Variants in TRHDE observed in about 807,000 individuals in gnomAD.
TRHDE encodes thyrotropin releasing hormone degrading enzyme.
Under a neutral mutation model 125.7 loss-of-function variants are expected in TRHDE, and 72 were observed. That is an observed-to-expected ratio of 0.57 (90% CI 0.47 to 0.70). TRHDE has a LOEUF of 0.70. Ranked by LOEUF, TRHDE falls within the 30% of genes least tolerant of loss-of-function variation. TRHDE has a pLI of 0.00. For synonymous variants in TRHDE, 509 were observed against 509.1 expected, an observed-to-expected ratio of 1.00 and a Z score of 0.00; for missense variants, 1,110 against 1,327.1, an observed-to-expected ratio of 0.84 and a Z score of 2.54.
chr12:72,595,744 A>T (rs973542678), intron 12 of TRHDE, among the ~76,000 whole-genome samples: 2 of 152,166 alleles, frequency 1.3e-5, no homozygotes, highest in Non-Finnish European at 2.9e-5. Context: ...AATGTGGATA[A>T]GACAATATTT....
chr12:72,611,872 A>G (rs1433648746), intron 12 of TRHDE, among the ~76,000 whole-genome samples: 1 of 152,244 alleles, frequency 6.6e-6, no homozygotes, highest in African/African-American at 2.4e-5. Flanking sequence ...GTATAAAGGC[A>G]ACCTTAAGCT....
chr12:72,447,122 C>G (rs1370983812), intron 3 of TRHDE, among the ~76,000 whole-genome samples: 1 of 152,062 alleles, frequency 6.6e-6, no homozygotes, highest in African/African-American at 2.4e-5. Context: ...GGAAGTAAAG[C>G]CCTCCTCAGC....
intron 2 of TRHDE, among the ~76,000 whole-genome samples, chr12:72,295,226 T>C (rs1181154889): frequency 1.3e-5 from 2 of 151,626 alleles, no homozygotes; most frequent in African/African-American, 4.8e-5. Flanking sequence ...TCAGCGTGGT[T>C]TGGGCGGCTG....
intron 5 of TRHDE, among the ~76,000 whole-genome samples, chr12:72,486,747 A>G (rs1877426848): frequency 6.6e-6 from 1 of 152,182 alleles, no homozygotes; most frequent in African/African-American, 2.4e-5. Flanking sequence ...CACAAGAAAC[A>G]TGAAAAAGCA....
intron 2 of TRHDE, among the ~76,000 whole-genome samples, chr12:72,244,133 A>C (rs543242374): frequency 2.0e-5 from 3 of 152,288 alleles, no homozygotes; most frequent in African/African-American, 7.2e-5. Context: ...TTATGTTATT[A>C]TCCATTGTTT....
intron 2 of TRHDE, among the ~76,000 whole-genome samples, chr12:72,343,841 G>T (rs1194395112): frequency 6.6e-6 from 1 of 152,002 alleles, no homozygotes; most frequent in African/African-American, 2.4e-5. Flanking sequence ...TCAGGGCTGG[G>T]GAACCTCTTG....
chr12:72,652,502 A>G lies in TRHDE; in HGVS notation c.2843+13A>G, dbSNP rs200487647. 2.1e-5 allele frequency: 33 copies of G among 1,569,184 alleles called. No individual in the cohort carries two copies. In the East Asian group the frequency reaches 7.3e-4, roughly 35 times the overall value. On this transcript the variant is annotated intron_variant, in intron 16 of 18. Coordinates refer to ENST00000261180, the MANE Select transcript of TRHDE (RefSeq NM_013381.3). ...ATTTATTAAACAGGTAGGCCGACTG[A>G]TTTTCTAAATGTGTTTCTCTAATGA... is the stretch of plus-strand genomic sequence containing the variant.
intron 2 of TRHDE, among the ~76,000 whole-genome samples, chr12:72,108,292 TGTG>T (rs1179688453): frequency 6.6e-6 from 1 of 152,098 alleles, no homozygotes; most frequent in Non-Finnish European, 1.5e-5. Context: ...ATTTTGTTGT[TGTG>T]GTGAATACTG....
chr12:72,274,894 G>T (rs1205617198), intron 1 of TRHDE: 1 of 152,230 alleles, frequency 6.6e-6, no homozygotes, highest in Non-Finnish European at 1.5e-5. Context: ...AAGCTCTCAG[G>T]TATATTGTTG....
intron 2 of TRHDE, among the ~76,000 whole-genome samples, chr12:72,258,967 CT>C (rs1201757847): frequency 6.6e-6 from 1 of 152,134 alleles, no homozygotes; most frequent in East Asian, 1.9e-4. Flanking sequence ...ACTTTGATCA[CT>C]TCATCAGATA....
intron 15 of TRHDE, among the ~76,000 whole-genome samples, chr12:72,631,017 T>A (rs1161339516): frequency 6.6e-6 from 1 of 150,458 alleles, no homozygotes; most frequent in Non-Finnish European, 1.5e-5. Context: ...TAGAAAAAAA[T>A]AAAGTGACTT....
At chr12:72,250,030 T>C (rs765536008) in intron 2 of TRHDE, among the ~76,000 whole-genome samples, 2 of 152,158 alleles carry the variant, frequency 1.3e-5, no homozygotes, top group African/African-American at 2.4e-5. Flanking sequence ...TGCTGAAGAA[T>C]TTAAAGAAGC....
At chr12:72,298,037 T>G (rs1880369809) in intron 2 of TRHDE, among the ~76,000 whole-genome samples, 1 of 152,214 alleles carries the variant, frequency 6.6e-6, no homozygotes, top group South Asian at 2.1e-4. Context: ...TGGCTTATGG[T>G]GGATTCAGTG....
At chr12:72,588,064 A>G (rs147976181) in intron 12 of TRHDE, among the ~76,000 whole-genome samples, 1 of 152,288 alleles carries the variant, frequency 6.6e-6, no homozygotes, top group African/African-American at 2.4e-5. Context: ...ATCAGCAAGC[A>G]TCTTTCACGG....
chr12:72,191,947 A>T (rs1270789947), intron 2 of TRHDE, among the ~76,000 whole-genome samples: 6 of 152,194 alleles, frequency 3.9e-5, no homozygotes, highest in Non-Finnish European at 2.9e-5. Context: ...TCTGCCTAAA[A>T]GTCTCTAAAT....
chr12:72,095,582 C>T (rs79394792), intron 1 of TRHDE, among the ~76,000 whole-genome samples: 3,813 of 152,260 alleles, frequency 0.025, 103 homozygotes, highest in East Asian at 0.11. Context: ...GGTCCCCTCA[C>T]TTTTGGGACA....
At chr12:72,498,281 A>G (rs1878002413) in intron 5 of TRHDE, among the ~76,000 whole-genome samples, 2 of 152,220 alleles carry the variant, frequency 1.3e-5, no homozygotes, top group Non-Finnish European at 2.9e-5. Context: ...GGTTTAAATT[A>G]CCACACACAT....
chr12:72,431,131 T>C (rs1421504162), intron 3 of TRHDE, among the ~76,000 whole-genome samples: 1 of 152,040 alleles, frequency 6.6e-6, no homozygotes, highest in Non-Finnish European at 1.5e-5. Flanking sequence ...TGCTGAACTA[T>C]TTTATTAGTC....
chr12:72,220,049 G>T (rs1877971712), intron 2 of TRHDE, among the ~76,000 whole-genome samples: 1 of 152,144 alleles, frequency 6.6e-6, no homozygotes, highest in Admixed American at 6.6e-5. Flanking sequence ...ATGTGAAAAG[G>T]CACAGGCTTT....
Sources: gnomAD v4.1 joint callset for allele counts (sites outside exome capture counted in the v4.1 genomes callset) on GRCh38, gnomAD v4.1.1 for gene constraint, MANE v1.5 for transcripts, NCBI Gene and HGNC (gene_info 2026-07-23, HGNC 2026-07-21) for gene names.